The following PALM2AKAP2 variants were observed in gnomAD, a reference collection of about 807,000 sequenced individuals.
The protein encoded by PALM2AKAP2 is PALM2-AKAP2 fusion protein.
Under a neutral mutation model 71.5 loss-of-function variants are expected in PALM2AKAP2, and 37 were observed. That is an observed-to-expected ratio of 0.52 (90% CI 0.40 to 0.68). The LOEUF (loss-of-function observed/expected upper bound fraction) is 0.68. PALM2AKAP2 is among the 30% of genes least tolerant of loss of function. PALM2AKAP2 has a pLI of 0.00. For missense variants in PALM2AKAP2, 1,224 were observed against 1,191.8 expected (o/e 1.03, Z -0.40); for synonymous variants, 468 against 478.8 (o/e 0.98, Z 0.29).
At chr9:109,773,245 C>T (rs988001689) in intron 1 of PALM2AKAP2, among the ~76,000 whole-genome samples, 4 of 152,160 alleles carry the variant, frequency 2.6e-5, no homozygotes, top group Non-Finnish European at 4.4e-5. Flanking sequence ...AAATGATCCT[C>T]CTGCCTCAGC....
intron 1 of PALM2AKAP2, among the ~76,000 whole-genome samples, chr9:109,642,113 A>T (rs1827078940): frequency 6.6e-6 from 1 of 152,150 alleles, no homozygotes; most frequent in Admixed American, 6.5e-5. Flanking sequence ...TAATATCTGT[A>T]TCTCTTCCAA....
chr9:110,059,723 G>A (rs1833920802), intron 1 of PALM2AKAP2, among the ~76,000 whole-genome samples: 2 of 152,148 alleles, frequency 1.3e-5, no homozygotes, highest in African/African-American at 4.8e-5. Flanking sequence ...AGTGGAATGT[G>A]TCTTCCCAGG....
At chr9:109,643,287 A>G (rs904868136) in intron 1 of PALM2AKAP2, among the ~76,000 whole-genome samples, 1 of 152,202 alleles carries the variant, frequency 6.6e-6, no homozygotes, top group South Asian at 2.1e-4. Flanking sequence ...TCATTTTCTT[A>G]GACATGGAGA....
chr9:109,862,995 C>T, intron 1 of PALM2AKAP2: 1 of 486,210 alleles, frequency 2.1e-6, no homozygotes, highest in East Asian at 5.9e-5. Context: ...ACTGGCTATG[C>T]TAGGGAACCT....
At chr9:110,119,341 C>CAAAAAAAAAAAAAA (rs200861093) in intron 1 of PALM2AKAP2, among the ~76,000 whole-genome samples, 1 of 88,920 alleles carries the variant, frequency 1.1e-5, no homozygotes, top group Non-Finnish European at 2.4e-5. Flanking sequence ...GACTCCATCT[C>CAAAAAAAAAAAAAA]AAAAAAAAAA....
chr9:109,708,663 A>G (rs1157371046), intron 1 of PALM2AKAP2, among the ~76,000 whole-genome samples: 1 of 152,240 alleles, frequency 6.6e-6, no homozygotes, highest in African/African-American at 2.4e-5. Flanking sequence ...GCTTTCTGAA[A>G]TCAATCCAGG....
chr9:110,076,389 C>T (rs62580259), intron 1 of PALM2AKAP2, among the ~76,000 whole-genome samples: 1 of 150,174 alleles, frequency 6.7e-6, no homozygotes, highest in African/African-American at 2.5e-5. Flanking sequence ...ATAAACATCC[C>T]TGGTTATTTT....
At chr9:110,167,685 C>CT (rs370885005) in intron 3 of PALM2AKAP2, among the ~76,000 whole-genome samples, 22 of 150,076 alleles carry the variant, frequency 1.5e-4, no homozygotes, top group South Asian at 1.1e-3. Context: ...GATCCAAGAA[C>CT]TTTTTTTTTT....
At chr9:109,814,293 C>G (rs2131456943) in intron 1 of PALM2AKAP2, among the ~76,000 whole-genome samples, 1 of 152,300 alleles carries the variant, frequency 6.6e-6, no homozygotes, top group East Asian at 1.9e-4. Flanking sequence ...GGAAATGCAC[C>G]TGCTTTTAAA....
At chr9:110,065,919 G>A (rs1834069597) in intron 1 of PALM2AKAP2, among the ~76,000 whole-genome samples, 1 of 152,150 alleles carries the variant, frequency 6.6e-6, no homozygotes, top group Admixed American at 6.5e-5. Flanking sequence ...ATGTCCCATT[G>A]TGTTTATATG....
intron 2 of PALM2AKAP2, among the ~76,000 whole-genome samples, chr9:110,151,803 A>G (rs536497558): frequency 9.2e-5 from 14 of 152,384 alleles, no homozygotes; most frequent in African/African-American, 3.1e-4. Flanking sequence ...CGTTCCTTAT[A>G]GAGGTCACAT....
intron 6 of PALM2AKAP2, among the ~76,000 whole-genome samples, chr9:109,970,125 C>G (rs1036677111): frequency 6.6e-6 from 1 of 152,202 alleles, no homozygotes; most frequent in African/African-American, 2.4e-5. Flanking sequence ...CCCTCTCTAT[C>G]TATGGTAAAG....
chr9:110,021,659 T>C (rs1471871907), intron 7 of PALM2AKAP2, among the ~76,000 whole-genome samples: 1 of 152,086 alleles, frequency 6.6e-6, no homozygotes, highest in South Asian at 2.1e-4. Flanking sequence ...CATCCTTCAC[T>C]GGAAGAAAAG....
intron 1 of PALM2AKAP2, among the ~76,000 whole-genome samples, chr9:109,757,888 A>AT (rs961075462): frequency 5.3e-5 from 8 of 151,948 alleles, no homozygotes; most frequent in Admixed American, 4.6e-4. Flanking sequence ...TATCTATTTC[A>AT]TTTTTTCTTT....
intron 1 of PALM2AKAP2, among the ~76,000 whole-genome samples, chr9:110,123,391 T>C (rs959102768): frequency 3.3e-5 from 5 of 152,186 alleles, no homozygotes; most frequent in Non-Finnish European, 7.3e-5. Context: ...TCTATGCACA[T>C]CTCTGTGTCT....
At chr9:110,106,519 A>G (rs1407866402) in intron 1 of PALM2AKAP2, among the ~76,000 whole-genome samples, 1 of 152,160 alleles carries the variant, frequency 6.6e-6, no homozygotes, top group Non-Finnish European at 1.5e-5. Flanking sequence ...TAGAGGGAAG[A>G]GAGGACTCCC....
intron 1 of PALM2AKAP2, among the ~76,000 whole-genome samples, chr9:109,703,318 T>C (rs1465089633): frequency 6.6e-6 from 1 of 152,196 alleles, no homozygotes; most frequent in African/African-American, 2.4e-5. Context: ...TTCAGTTTGG[T>C]ATGTATTTCT....
At position 109,685,410 on chromosome 9, in the gene PALM2AKAP2, G is replaced by A. The variant is rs147873485; in HGVS notation, c.5+44544G>A. Among the ~76,000 whole-genome samples, 179 of 152,168 alleles carry A rather than the reference G, an allele frequency of 1.2e-3. 1 individual carries two copies. Among genetic ancestry groups the A allele is most frequent in the African/African-American group, 4.0e-3 (168 of 41,522 alleles). On this transcript the variant is annotated intron_variant, in intron 1 of 6. Transcript: ENST00000374531. The stretch of plus-strand genomic sequence containing the variant: ...TGTGAGTTCAGTTCCAGACCACCAC[G>A]ATAAAGTGACTATTGCAATAAAGCA...
chr9:109,908,915 A>T (rs1471958253), intron 3 of PALM2AKAP2, among the ~76,000 whole-genome samples: 1 of 151,550 alleles, frequency 6.6e-6, no homozygotes, highest in East Asian at 2.0e-4. Context: ...GTAAACAGGG[A>T]TTTGGAAGAG....
Sources: gnomAD v4.1 joint callset for allele counts (sites outside exome capture counted in the v4.1 genomes callset) on GRCh38, gnomAD v4.1.1 for gene constraint, MANE v1.5 for transcripts, NCBI Gene and HGNC (gene_info 2026-07-23, HGNC 2026-07-21) for gene names.